Variants in CNTN5 observed in about 807,000 individuals in gnomAD.
CNTN5 encodes the protein contactin 5, also known as contactin-5.
A neutral mutation model predicts 129.1 loss-of-function variants in CNTN5; 77 were observed. The ratio of observed to expected loss-of-function variants is 0.60; its 90% confidence interval spans 0.50 to 0.72. The LOEUF (loss-of-function observed/expected upper bound fraction) is 0.72. CNTN5 is among the 30% of genes least tolerant of loss of function. The probability of loss-of-function intolerance (pLI) is 0.00; values close to 1 mark genes in which losing one functional copy is unlikely to be tolerated. For synonymous variants in CNTN5, 509 were observed against 465.6 expected, an observed-to-expected ratio of 1.09 and a Z score of -1.20; for missense variants, 1,478 against 1,328.8, an observed-to-expected ratio of 1.11 and a Z score of -1.75.
intron 6 of CNTN5, among the ~76,000 whole-genome samples, chr11:99,853,766 C>A (rs1177090678): frequency 6.6e-6 from 1 of 151,832 alleles, no homozygotes; most frequent in African/African-American, 2.4e-5. Flanking sequence ...TTTGATGCAC[C>A]ACCACCCCCT....
At chr11:99,625,059 A>G (rs1466482180) in intron 3 of CNTN5, among the ~76,000 whole-genome samples, 1 of 152,198 alleles carries the variant, frequency 6.6e-6, no homozygotes, top group African/African-American at 2.4e-5. Context: ...AGTGTTGGAC[A>G]CATGGCAGAA....
Position 99,359,480 on chromosome 11 carries a change from C to T in CNTN5, c.-71+33996C>T, listed in dbSNP as rs370223457. Among the ~76,000 whole-genome samples, 34 of 152,088 alleles carry T rather than the reference C, an allele frequency of 2.2e-4. No homozygotes were observed. In the East Asian group the frequency reaches 3.5e-3, roughly 16 times the overall value. On this transcript the variant is annotated intron_variant, in intron 2 of 24. Transcript: ENST00000524871. The stretch of plus-strand genomic sequence containing the variant: ...AGACCATAGAATTCCATCCTTGGCT[C>T]TACAAAATGTATGTTCTTCTTGTAT...
At chr11:99,118,093 A>C in intron 1 of CNTN5, among the ~76,000 whole-genome samples, 1 of 152,194 alleles carries the variant, frequency 6.6e-6, no homozygotes, top group East Asian at 1.9e-4. Flanking sequence ...CTATTCTGTT[A>C]GTATATACAT....
chr11:100,096,302 C>T (rs1945006811), intron 13 of CNTN5, among the ~76,000 whole-genome samples: 1 of 151,998 alleles, frequency 6.6e-6, no homozygotes, highest in South Asian at 2.1e-4. Flanking sequence ...GATAATGACA[C>T]CTATTTCATT....
At position 99,410,390 on chromosome 11, in the gene CNTN5, C is replaced by T. The variant is rs968905295; in HGVS notation, c.-71+84906C>T. 3.3e-5 allele frequency among the ~76,000 whole-genome samples: 5 copies of T among 152,102 alleles called. No homozygotes were observed. The East Asian group carries it at 9.7e-4, about 29-fold the overall frequency. The stretch of plus-strand genomic sequence containing the variant: ...ACTTACAGGAGAAAAATGCACATAC[C>T]TTTCCTTGTTTTCATAAAAGACTGG... On this transcript the variant is annotated intron_variant, in intron 2 of 24. Transcript: ENST00000524871.
chr11:100,011,088 C>G (rs1407833515), intron 9 of CNTN5, among the ~76,000 whole-genome samples: 1 of 152,092 alleles, frequency 6.6e-6, no homozygotes, highest in Admixed American at 6.6e-5. Flanking sequence ...TGTGATTGAT[C>G]TTTCATAACA....
At chr11:99,340,349 G>A (rs1283222654) in intron 2 of CNTN5, among the ~76,000 whole-genome samples, 32 of 152,102 alleles carry the variant, frequency 2.1e-4, no homozygotes, top group Admixed American at 2.1e-3. Flanking sequence ...GTCTGCACTG[G>A]TGTGTCTGGC....
At chr11:99,636,345 A>G (rs1951553239) in intron 3 of CNTN5, among the ~76,000 whole-genome samples, 2 of 151,544 alleles carry the variant, frequency 1.3e-5, no homozygotes, top group Admixed American at 6.6e-5. Flanking sequence ...ACATGAGCAT[A>G]GAGGAAAGTT....
At chr11:99,765,062 G>A (rs1301766041) in intron 3 of CNTN5, among the ~76,000 whole-genome samples, 2 of 151,900 alleles carry the variant, frequency 1.3e-5, no homozygotes, top group Non-Finnish European at 2.9e-5. Flanking sequence ...GGAAAGTGTA[G>A]CAGTTTTTTA....
At chr11:99,078,352 C>A (rs1296435305) in intron 1 of CNTN5, among the ~76,000 whole-genome samples, 1 of 152,140 alleles carries the variant, frequency 6.6e-6, no homozygotes, top group African/African-American at 2.4e-5. Context: ...TGTACAGGTA[C>A]TATGGAGAAC....
At chr11:100,215,644 A>G (rs1231113759) in intron 15 of CNTN5, among the ~76,000 whole-genome samples, 1 of 152,140 alleles carries the variant, frequency 6.6e-6, no homozygotes, top group African/African-American at 2.4e-5. Context: ...CTATAATGGA[A>G]ACAGGAAAGA....
At chr11:99,602,290 T>C (rs779735712) in intron 3 of CNTN5, among the ~76,000 whole-genome samples, 1 of 152,088 alleles carries the variant, frequency 6.6e-6, no homozygotes, top group Non-Finnish European at 1.5e-5. Context: ...TGAATAATAA[T>C]AATAAGAAAC....
At chr11:100,161,641 AGTTT>A (rs1947449511) in intron 13 of CNTN5, among the ~76,000 whole-genome samples, 1 of 151,870 alleles carries the variant, frequency 6.6e-6, no homozygotes, top group African/African-American at 2.4e-5. Flanking sequence ...CTTGCTATGT[AGTTT>A]ATTTTTTCAT....
At chr11:99,067,986 T>C (rs1021332943) in intron 1 of CNTN5, among the ~76,000 whole-genome samples, 1 of 151,968 alleles carries the variant, frequency 6.6e-6, no homozygotes, top group Non-Finnish European at 1.5e-5. Flanking sequence ...AGCTGATGGT[T>C]TTATAAGGGT....
intron 21 of CNTN5, among the ~76,000 whole-genome samples, chr11:100,319,720 C>T (rs1951647291): frequency 6.6e-6 from 1 of 152,156 alleles, no homozygotes; most frequent in South Asian, 2.1e-4. Context: ...CCCAATCATT[C>T]TCACCCTGAT....
At chr11:99,744,928 G>A (rs1249300503) in intron 3 of CNTN5, among the ~76,000 whole-genome samples, 9 of 152,066 alleles carry the variant, frequency 5.9e-5, no homozygotes, top group Non-Finnish European at 1.0e-4. Flanking sequence ...TAAGGCAGGC[G>A]TTATTTTTAG....
At chr11:99,825,876 TAA>T (rs1199965317) in intron 4 of CNTN5, among the ~76,000 whole-genome samples, 6 of 152,240 alleles carry the variant, frequency 3.9e-5, no homozygotes, top group African/African-American at 1.2e-4. Context: ...ACCCAGCACT[TAA>T]GAGACAATTC....
At position 100,070,567 on chromosome 11, in the gene CNTN5, T is replaced by G; in HGVS notation, c.1299+7T>G. On this transcript the variant is annotated splice_region_variant and intron_variant, in intron 11 of 24. Transcript: ENST00000524871. ...AGTACCCCTCTCACCTCAGGTACTGTTGGGAGTTATTAACCTGTTCTGCTG... is the reference window on the plus strand; with the variant it reads ...AGTACCCCTCTCACCTCAGGTACTGGTGGGAGTTATTAACCTGTTCTGCTG... 1 of 1,612,220 alleles carries G rather than the reference T, an allele frequency of 6.2e-7. No homozygotes were observed. The highest frequency in any genetic ancestry group is 8.5e-7 in the Non-Finnish European group (1 of 1,178,946).
At chr11:99,351,170 TA>T (rs1320875330) in intron 2 of CNTN5, among the ~76,000 whole-genome samples, 4 of 152,144 alleles carry the variant, frequency 2.6e-5, no homozygotes, top group Admixed American at 1.3e-4. Flanking sequence ...AGTATAATAA[TA>T]AAAAAAGGTC....
Sources: allele counts gnomAD v4.1 joint callset (sites outside exome capture counted in the v4.1 genomes callset), GRCh38; gene constraint gnomAD v4.1.1; transcripts MANE v1.5; gene names NCBI Gene and HGNC (gene_info 2026-07-23, HGNC 2026-07-21).